The following FAT2 variants were observed in gnomAD, a reference collection of about 807,000 sequenced individuals.
FAT2 encodes FAT atypical cadherin 2, also known as protocadherin Fat 2.
FAT2 carries 150 observed loss-of-function variants against 295.3 expected under a neutral mutation model. The observed-to-expected ratio is 0.51, with a 90% CI of 0.44 to 0.58. The LOEUF is 0.58. FAT2 is among the 20% of genes least tolerant of loss of function. The pLI, the probability that FAT2 is intolerant of heterozygous loss-of-function variation, is 0.00. For missense variants in FAT2, 4,868 were observed against 5,442.7 expected (o/e 0.89, Z 3.32); for synonymous variants, 2,026 against 2,150.3 (o/e 0.94, Z 1.60).
intron 17 of FAT2, among the ~76,000 whole-genome samples, chr5:151,526,706 C>T (rs1754045432): frequency 6.6e-6 from 1 of 152,164 alleles, no homozygotes; most frequent in Non-Finnish European, 1.5e-5. Flanking sequence ...AACCCATACC[C>T]ATAATATATA....
intron 1 of FAT2, among the ~76,000 whole-genome samples, chr5:151,573,358 A>G (rs1758614374): frequency 6.6e-6 from 1 of 152,246 alleles, no homozygotes; most frequent in South Asian, 2.1e-4. Context: ...GAGTTTGTGG[A>G]TAATAAAAAC....
intron 1 of FAT2, among the ~76,000 whole-genome samples, chr5:151,569,416 A>G (rs1966639): frequency 0.91 from 138,641 of 152,172 alleles, 63,440 homozygotes; most frequent in Non-Finnish European, 0.93. Context: ...GAACAGCATG[A>G]GAAAAACACA....
Position 151,512,491 on chromosome 5 carries a change from A to G in FAT2, c.11579T>C (p.Met3860Thr), listed in dbSNP as rs749212402. 8 of 1,614,082 alleles carry G rather than the reference A, an allele frequency of 5.0e-6. No individual in the cohort carries two copies. The Admixed American group carries it at 8.3e-5, about 17-fold the overall frequency. Residue 3860 changes from methionine (M) to threonine (T), a missense_variant, in exon 21 of 24, where the codon ATG (methionine) becomes ACG (threonine). Met to Thr is a moderately conservative substitution (Grantham distance 81). Coordinates refer to ENST00000261800, the MANE Select transcript of FAT2 (RefSeq NM_001447.3). The surrounding 1 kb of genome is among the most constrained non-coding windows in gnomAD (Gnocchi z 4.1). ...HEWHSILVEE[M>T]DASIRLMVDS... ...AACCATCAGGCGAATGGAAGCGTCC[A>G]TCTCCTCCACCAGGATGGAGTGCCA... is the stretch of plus-strand genomic sequence containing the variant.
upstream of FAT2, among the ~76,000 whole-genome samples, chr5:151,593,918 G>A (rs1003760381): frequency 3.9e-5 from 6 of 152,172 alleles, no homozygotes; most frequent in Admixed American, 2.0e-4. Context: ...CAGGAGAATC[G>A]CTTGAACCCG....
At chr5:151,516,379 G>T (rs1752866087) in intron 20 of FAT2, among the ~76,000 whole-genome samples, 1 of 152,086 alleles carries the variant, frequency 6.6e-6, no homozygotes, top group Non-Finnish European at 1.5e-5. Flanking sequence ...TAGTGAGCGT[G>T]GTTGCACACA....
At position 151,542,980 on chromosome 5, in the gene FAT2, A is replaced by T. The variant is rs141268787; in HGVS notation, c.8147T>A (p.Val2716Glu). The change falls in exon 10 of 24, where the codon GTG becomes GAG. Residue 2716 changes from valine (V) to glutamate (E), a missense_variant. Physicochemically the swap from Val to Glu is moderately radical, Grantham distance 121. This residue lies in a region of FAT2 where 3,297 missense variants were observed against 3,669.4 expected (regional missense o/e 0.90). Transcript: ENST00000261800. ...GTAGATGACTGGATCTTGAGCTGCC[A>T]CTGCTTTAACAATCCCAATTTCAGA... ...EGSEIGIVKAVAAQDPVIYSL... is the reference protein window; with the variant it reads ...EGSEIGIVKAEAAQDPVIYSL... The T allele has an allele frequency of 6.2e-7, 1 of 1,614,082 alleles. No homozygotes were observed. Among genetic ancestry groups the T allele is most frequent in the African/African-American group, 1.3e-5 (1 of 74,926 alleles).
At position 151,526,389 on chromosome 5, in the gene FAT2, A is replaced by G. The variant is rs149766515; in HGVS notation, c.10309-424T>C. Among the ~76,000 whole-genome samples, 54 of 152,380 alleles carry G rather than the reference A, an allele frequency of 3.5e-4. No homozygotes were observed. The East Asian group carries it at 9.6e-3, about 27-fold the overall frequency. ...ATGATTTCTTCCTTAGAGGACCTGC[A>G]TGCAATATGTATCTGATAAGCACAC... On this transcript the variant is annotated intron_variant, in intron 17 of 23. Transcript: ENST00000261800.
chr5:151,525,690 A>T (rs930372387), intron 18 of FAT2, 78 bp downstream of exon 18: 3 of 1,518,442 alleles, frequency 2.0e-6, no homozygotes, highest in African/African-American at 2.7e-5. Flanking sequence ...TTCCCTAATG[A>T]CAGAAGCACT....
intron 3 of FAT2, among the ~76,000 whole-genome samples, chr5:151,560,531 C>G (rs1757973040): frequency 2.0e-5 from 3 of 152,182 alleles, no homozygotes; most frequent in African/African-American, 2.4e-5. Context: ...ATCCTCCCAC[C>G]CTCCAGCTCA....
At position 151,544,188 on chromosome 5, in the gene FAT2, C is replaced by T. The variant is rs1281945804; in HGVS notation, c.6939G>A (p.Glu2313=). 1 of 1,614,100 alleles carries T rather than the reference C, an allele frequency of 6.2e-7. No individual in the cohort carries two copies. Among genetic ancestry groups the T allele is most frequent in the African/African-American group, 1.3e-5 (1 of 74,940 alleles). Residue 2313 remains glutamate, a synonymous_variant, in exon 10 of 24, where the codon GAG becomes GAA. Coordinates refer to ENST00000261800, the MANE Select transcript of FAT2 (RefSeq NM_001447.3). ...AGAACTTGGAAACATCTGAGCCATCCTCCACAATCTGATAAGAGACGTCAC... is the reference window on the plus strand; with the variant it reads ...AGAACTTGGAAACATCTGAGCCATCTTCCACAATCTGATAAGAGACGTCAC... ...RNRDVSYQIV[E]DGSDVSKFFQ...
rs1756422754 is a variant in FAT2, at chr5:151,544,314, A to T, written c.6813T>A (p.Thr2271=). The change falls in exon 10 of 24, where the codon ACT becomes ACA. Residue 2271 remains threonine, a synonymous_variant. Transcript: ENST00000261800. ...LVEDVNDNPP[T]FSQLVYTTSI... ...AAGTGGTATAGACCAATTGGGAAAA[A>T]GTGGGAGGGTTATCATTGACATCCT... 3 of 1,614,188 alleles carry T rather than the reference A, an allele frequency of 1.9e-6. No individual in the cohort carries two copies. The East Asian group carries it at 6.7e-5, about 36-fold the overall frequency.
At chr5:151,577,451 G>A (rs1758788193) in intron 1 of FAT2, among the ~76,000 whole-genome samples, 1 of 152,236 alleles carries the variant, frequency 6.6e-6, no homozygotes, top group South Asian at 2.1e-4. Flanking sequence ...TGTGGGTACT[G>A]TATTCTAGTA....
At chr5:151,574,176 G>A (rs1259595688) in intron 1 of FAT2, among the ~76,000 whole-genome samples, 1 of 152,106 alleles carries the variant, frequency 6.6e-6, no homozygotes, top group African/African-American at 2.4e-5. Context: ...CCCTGACCTG[G>A]GTTCTGGGAG....
chr5:151,507,391 C>T lies in FAT2; in HGVS notation c.12280G>A (p.Asp4094Asn). The T allele has an allele frequency of 6.2e-7, 1 of 1,614,176 alleles. No homozygotes were observed. The highest frequency in any genetic ancestry group is 8.5e-7 in the Non-Finnish European group (1 of 1,180,024). The change falls in exon 23 of 24, where the codon GAC becomes AAC. Residue 4094 changes from aspartate (D) to asparagine (N), a missense_variant. Physicochemically the swap from Asp to Asn is conservative, Grantham distance 23. Coordinates refer to ENST00000261800, the MANE Select transcript of FAT2 (RefSeq NM_001447.3). ...PDLLARSVGV[D>N]TQAMPAIELN... ...TCGATGGCAGGCATGGCTTGGGTGT[C>T]AACACCAACACTCCTGGCCAGGAGG...
At position 151,567,536 on chromosome 5, in the gene FAT2, T is replaced by C. The variant is rs1758334479; in HGVS notation, c.1396A>G (p.Thr466Ala). The C allele has an allele frequency of 6.2e-7, 1 of 1,613,942 alleles. No homozygotes were observed. Among genetic ancestry groups the C allele is most frequent in the Non-Finnish European group, 8.5e-7 (1 of 1,180,018 alleles). ...CCTGGAGGGATGTTCTCATCCAAGG[T>C]ACCATCATAGGAAGACCTGTTGAAG... ...PLFNRSSYDG[T>A]LDENIPPGTS... is the part of the protein sequence containing the mutation. The change falls in exon 2 of 24, where the codon ACC becomes GCC. Residue 466 changes from threonine (T) to alanine (A), a missense_variant. Physicochemically the swap from Thr to Ala is moderately conservative, Grantham distance 58. Transcript: ENST00000261800.
At chr5:151,527,190 T>C (rs377320560) in intron 17 of FAT2, 44 bp downstream of exon 17, 3 of 1,551,710 alleles carry the variant, frequency 1.9e-6, no homozygotes, top group Admixed American at 1.9e-5. Context: ...AGAAGGGAAA[T>C]GAAGGGAGGA....
chr5:151,519,628 G>A (rs865874645), intron 19 of FAT2, among the ~76,000 whole-genome samples: 50 of 152,242 alleles, frequency 3.3e-4, no homozygotes, highest in South Asian at 1.2e-3. Flanking sequence ...CTTCTGAGAT[G>A]GTGGTCATAT....
At chr5:151,560,165 A>ATCTTCC (rs1757960176) in intron 3 of FAT2, among the ~76,000 whole-genome samples, 1 of 151,994 alleles carries the variant, frequency 6.6e-6, no homozygotes, top group African/African-American at 2.4e-5. Context: ...TTCCATCTTC[A>ATCTTCC]TCTTCCTCTT....
rs1458213531 is a variant in FAT2 at position 151,512,265 on chromosome 5, C to A, written c.11805G>T (p.Leu3935Phe). The A allele has an allele frequency of 1.2e-6, 2 of 1,614,232 alleles. No homozygotes were observed. Among genetic ancestry groups the A allele is most frequent in the African/African-American group, 1.3e-5 (1 of 75,050 alleles). Residue 3935 changes from leucine to phenylalanine, a missense_variant, in exon 21 of 24, where the codon TTG becomes TTT. By Grantham distance (22) the Leu-to-Phe change is conservative. Coordinates refer to ENST00000261800, the MANE Select transcript of FAT2 (RefSeq NM_001447.3). This position sits in a 1 kb window ranked among gnomAD's most constrained non-coding sequence, Gnocchi z 4.1. ...ACTGGGTGAGGGCTTGTGTCTCCAG[C>A]AAGCCTGCCACCGTCTTGCCAGGGG... Reference protein sequence around the residue: ...LLAPGKTVAGLLETQALTQCC... With the variant: ...LLAPGKTVAGFLETQALTQCC...
Sources: allele counts gnomAD v4.1 joint callset (sites outside exome capture counted in the v4.1 genomes callset), GRCh38; gene constraint gnomAD v4.1.1; regional missense constraint gnomAD v4.1.1; non-coding constraint Gnocchi (gnomAD v3.1); transcripts MANE v1.5; gene names NCBI Gene and HGNC (gene_info 2026-07-23, HGNC 2026-07-21).